Variants in PKP4 observed in about 807,000 individuals in gnomAD.
PKP4 encodes plakophilin-4.
A neutral mutation model predicts 145.1 loss-of-function variants in PKP4; 90 were observed. The ratio of observed to expected loss-of-function variants is 0.62; its 90% CI spans 0.52 to 0.74. PKP4 has a LOEUF of 0.74. Among genes scored for constraint, PKP4 ranks in the 30% least tolerant of loss-of-function variants. The probability of loss-of-function intolerance (pLI) is 0.00; values close to 1 mark genes in which losing one functional copy is unlikely to be tolerated. For synonymous variants in PKP4, 563 were observed against 577.2 expected, an observed-to-expected ratio of 0.98 and a Z score of 0.35; for missense variants, 1,340 against 1,482.7, an observed-to-expected ratio of 0.90 and a Z score of 1.58.
At chr2:158,458,309 T>G (rs909159350) in intron 1 of PKP4, 10 of 152,534 alleles carry the variant, frequency 6.6e-5, no homozygotes, top group African/African-American at 2.4e-4. Flanking sequence ...TCGGAGCTGG[T>G]GAGCCTCATT....
rs556033032 is a variant in PKP4 at position 158,588,595 on chromosome 2, G to T, written c.245+11212G>T. On this transcript the variant is annotated intron_variant, in intron 3 of 21. Coordinates refer to ENST00000389759, the MANE Select transcript of PKP4 (RefSeq NM_003628.6). ...GGGATATATTTCTTAAAATAGTACA[G>T]ATCCTAGTACATTGTAGAACAAAGT... 2.0e-5 allele frequency among the ~76,000 whole-genome samples: 3 copies of T among 152,186 alleles called. No homozygotes were observed. The South Asian group carries it at 6.2e-4, about 32-fold the overall frequency.
At chr2:158,590,751 G>T (rs186693906) in intron 3 of PKP4, among the ~76,000 whole-genome samples, 72 of 152,208 alleles carry the variant, frequency 4.7e-4, no homozygotes, top group Admixed American at 3.8e-3. Flanking sequence ...AAGTTAACTT[G>T]GTAGAACTTC....
chr2:158,511,206 C>T (rs190308735), intron 1 of PKP4, among the ~76,000 whole-genome samples: 1 of 152,248 alleles, frequency 6.6e-6, no homozygotes, highest in Admixed American at 6.5e-5. Context: ...GCCAACATGG[C>T]AAAACCCCAT....
At chr2:158,598,049 C>T (rs1000975882) in intron 3 of PKP4, among the ~76,000 whole-genome samples, 18 of 152,218 alleles carry the variant, frequency 1.2e-4, no homozygotes, top group African/African-American at 4.3e-4. Flanking sequence ...TGGTCTCAAA[C>T]ATCTGGGCTA....
At chr2:158,680,171 T>A (rs937777213) in intron 21 of PKP4, among the ~76,000 whole-genome samples, 1 of 152,168 alleles carries the variant, frequency 6.6e-6, no homozygotes, top group Non-Finnish European at 1.5e-5. Context: ...TGCCCTGAGA[T>A]CTCAGGCTTT....
At chr2:158,519,584 G>A (rs1246893065) in intron 1 of PKP4, among the ~76,000 whole-genome samples, 1 of 152,154 alleles carries the variant, frequency 6.6e-6, no homozygotes, top group African/African-American at 2.4e-5. Context: ...GTCACCCAAT[G>A]CTCCATCCTC....
chr2:158,648,703 A>G (rs954119094), intron 11 of PKP4, among the ~76,000 whole-genome samples: 11 of 152,216 alleles, frequency 7.2e-5, no homozygotes, highest in African/African-American at 2.7e-4. Context: ...CACTTGGTCC[A>G]CTTTATAAAA....
chr2:158,564,474 T>C (rs988866756), intron 2 of PKP4, among the ~76,000 whole-genome samples: 3 of 152,198 alleles, frequency 2.0e-5, no homozygotes, highest in Admixed American at 6.5e-5. Flanking sequence ...GTTTAATATA[T>C]ACCATTGCTT....
intron 2 of PKP4, 35 bp downstream of exon 2, chr2:158,533,351 T>G: frequency 6.2e-7 from 1 of 1,609,488 alleles, no homozygotes; most frequent in South Asian, 1.1e-5. Context: ...AGTGAATTAT[T>G]TCTTTAATGC....
Position 158,642,534 on chromosome 2 carries a change from A to G in PKP4, c.1744A>G (p.Arg582Gly), listed in dbSNP as rs1315340768. The G allele has an allele frequency of 1.2e-6, 2 of 1,613,444 alleles. No homozygotes were observed. Among genetic ancestry groups the G allele is most frequent in the Non-Finnish European group, 1.7e-6 (2 of 1,179,536 alleles). Residue 582 changes from arginine (R) to glycine (G), a missense_variant, in exon 11 of 22, where the codon AGA becomes GGA. Transcript: ENST00000389759. The stretch of plus-strand genomic sequence containing the variant: ...GCATCTGGTTGACCTTCTGGACCAC[A>G]GAGTTTTGGAAGTTCAGAAGAATGC... The part of the protein sequence containing the change: ...IKHLVDLLDH[R>G]VLEVQKNACG...
At position 158,680,423 on chromosome 2, in the gene PKP4, C is replaced by T. The variant is rs1265298996; in HGVS notation, c.3331-6C>T. The T allele has an allele frequency of 6.4e-7, 1 of 1,562,590 alleles. No homozygotes were observed. The highest frequency in any genetic ancestry group is 1.4e-5 in the African/African-American group (1 of 72,626). Reference sequence around the variant, plus strand: ...TTATTTATTTGCCTTTTCATTTTGTCAACAGCATCAACAGCTGTATTATAG... The same window carrying T: ...TTATTTATTTGCCTTTTCATTTTGTTAACAGCATCAACAGCTGTATTATAG... On this transcript the variant is annotated splice_region_variant and splice_polypyrimidine_tract_variant and intron_variant, in intron 21 of 21. Transcript: ENST00000389759.
chr2:158,470,851 C>G (rs1691456449), intron 1 of PKP4, among the ~76,000 whole-genome samples: 1 of 152,096 alleles, frequency 6.6e-6, no homozygotes, highest in South Asian at 2.1e-4. Context: ...TGGCCAGAGT[C>G]CTGAGAAGGC....
rs928366377 is a variant in PKP4 at position 158,680,972 on chromosome 2, A to T, written c.*295A>T. 2.4e-5 allele frequency: 7 copies of T among 293,680 alleles called. No individual in the cohort carries two copies. The highest frequency in any genetic ancestry group is 4.4e-5 in the Non-Finnish European group (7 of 158,416). 18.2% of individuals were successfully genotyped at this position (293,680 alleles called of 1,614,324 possible). The stretch of plus-strand genomic sequence containing the variant: ...AAATGGGTGAAATGAAATGGGGGAT[A>T]TGTAGGTCAAATCAAATTAAAGATG... On this transcript the variant is annotated 3_prime_UTR_variant, in exon 22 of 22. Transcript: ENST00000389759.
intron 2 of PKP4, among the ~76,000 whole-genome samples, chr2:158,556,522 T>TC (rs2046105338): frequency 4.6e-5 from 2 of 43,100 alleles, no homozygotes; most frequent in Non-Finnish European, 6.3e-5. Flanking sequence ...GCTCTTTCTC[T>TC]CTTTTTTTTT....
intron 3 of PKP4, among the ~76,000 whole-genome samples, chr2:158,591,626 A>G (rs72938757): frequency 0.2 from 30,295 of 152,034 alleles, 3,894 homozygotes; most frequent in Middle Eastern, 0.36. Context: ...CTGAAATTGC[A>G]TTTTAAAAAT....
At chr2:158,562,827 A>C (rs2046658084) in intron 2 of PKP4, among the ~76,000 whole-genome samples, 1 of 152,208 alleles carries the variant, frequency 6.6e-6, no homozygotes, top group Non-Finnish European at 1.5e-5. Flanking sequence ...TTCAAAATTT[A>C]AAGTTAATTG....
At chr2:158,459,293 T>C (rs1490772678) in intron 1 of PKP4, among the ~76,000 whole-genome samples, 1 of 152,244 alleles carries the variant, frequency 6.6e-6, no homozygotes, top group East Asian at 1.9e-4. Context: ...TTGACACAAT[T>C]TGCTTTGCAG....
intron 2 of PKP4, among the ~76,000 whole-genome samples, chr2:158,561,601 C>A (rs954230196): frequency 1.3e-5 from 2 of 152,200 alleles, no homozygotes; most frequent in Non-Finnish European, 2.9e-5. Flanking sequence ...CCCTGACTTC[C>A]TTGAAGAGAA....
intron 6 of PKP4, among the ~76,000 whole-genome samples, 193 bp from the exon 7 acceptor site, chr2:158,624,685 A>AG (rs2052583121): frequency 6.6e-6 from 1 of 152,088 alleles, no homozygotes; most frequent in African/African-American, 2.4e-5. Flanking sequence ...AAAAAAAAAA[A>AG]AAAAAACTAA....
Sources: gnomAD v4.1 joint callset for allele counts (sites outside exome capture counted in the v4.1 genomes callset) on GRCh38, gnomAD v4.1.1 for gene constraint, MANE v1.5 for transcripts, NCBI Gene and HGNC (gene_info 2026-07-23, HGNC 2026-07-21) for gene names.